STK32C: variants seen among roughly 807,000 people sequenced by gnomAD.
STK32C encodes serine/threonine-protein kinase 32C.
In STK32C, 31 loss-of-function variants were observed where a neutral mutation model predicts 56.5. The ratio of observed to expected loss-of-function variants is 0.55; its 90% CI spans 0.41 to 0.74. STK32C has a LOEUF of 0.74. Ranked by LOEUF, STK32C falls within the 30% of genes least tolerant of loss-of-function variation. STK32C has a pLI of 0.00. For missense variants in STK32C, 544 were observed against 676.9 expected, an observed-to-expected ratio of 0.80 and a Z score of 2.18; for synonymous variants, 309 against 289.4, an observed-to-expected ratio of 1.07 and a Z score of -0.69.
intron 2 of STK32C, among the ~76,000 whole-genome samples, chr10:132,236,342 T>C (rs1027197503): frequency 6.6e-6 from 1 of 152,154 alleles, no homozygotes; most frequent in Non-Finnish European, 1.5e-5. Flanking sequence ...TGCCACAACC[T>C]GTCATGAGGT....
At chr10:132,251,416 G>A (rs1282262954) in intron 1 of STK32C, among the ~76,000 whole-genome samples, 1 of 152,156 alleles carries the variant, frequency 6.6e-6, no homozygotes, top group Non-Finnish European at 1.5e-5. Context: ...CATGTCACTT[G>A]ATCTGGGCCT....
At chr10:132,219,799 C>G (rs914162320) in intron 10 of STK32C, among the ~76,000 whole-genome samples, 1 of 152,166 alleles carries the variant, frequency 6.6e-6, no homozygotes, top group Non-Finnish European at 1.5e-5. Context: ...CCCTGCCCCC[C>G]ACATCATGGT....
At chr10:132,225,499 C>A in intron 6 of STK32C, 28 bp downstream of exon 6, 1 of 1,613,194 alleles carries the variant, frequency 6.2e-7, no homozygotes, top group Non-Finnish European at 8.5e-7. Context: ...GAAGCCAGCT[C>A]CCATCTGGAA....
At chr10:132,279,272 G>A (rs1005638745) in intron 1 of STK32C, among the ~76,000 whole-genome samples, 2 of 152,188 alleles carry the variant, frequency 1.3e-5, no homozygotes, top group Non-Finnish European at 2.9e-5. Flanking sequence ...CAGGCGAGGT[G>A]ACATGACCAT....
At chr10:132,292,814 G>A (rs997249011) in intron 1 of STK32C, among the ~76,000 whole-genome samples, 2 of 152,094 alleles carry the variant, frequency 1.3e-5, no homozygotes, top group Non-Finnish European at 2.9e-5. Flanking sequence ...AAGGTGTGAG[G>A]GAGGGCATCA....
chr10:132,213,150 C>T (rs2062367700), intron 10 of STK32C, among the ~76,000 whole-genome samples: 1 of 152,254 alleles, frequency 6.6e-6, no homozygotes, highest in Admixed American at 6.5e-5. Flanking sequence ...GCATTCTCCA[C>T]AGCAAATGGA....
chr10:132,273,604 GAAGGAGTT>G (rs2064901159), intron 1 of STK32C, among the ~76,000 whole-genome samples: 1 of 152,188 alleles, frequency 6.6e-6, no homozygotes, highest in Non-Finnish European at 1.5e-5. Flanking sequence ...CTGAATGAGT[GAAGGAGTT>G]ACTGAATGAG....
intron 1 of STK32C, among the ~76,000 whole-genome samples, chr10:132,252,547 T>C (rs1197015041): frequency 6.6e-6 from 1 of 152,170 alleles, no homozygotes; most frequent in African/African-American, 2.4e-5. Flanking sequence ...CTCCCCACAA[T>C]CCCATCTCAC....
rs181170421 is a variant in STK32C, at chr10:132,227,929, G to A, written c.470+48C>T. Reference sequence around the variant, plus strand: ...AGGAGAGGATAGCCAGTGCCTTCCCGGCTTCAGGACGGTAAGTCTTTCTGC... The same window carrying A: ...AGGAGAGGATAGCCAGTGCCTTCCCAGCTTCAGGACGGTAAGTCTTTCTGC... On this transcript the variant is annotated intron_variant, in intron 3 of 11. Coordinates refer to ENST00000298630, the MANE Select transcript of STK32C (RefSeq NM_173575.4). The A allele has an allele frequency of 8.4e-4, 1,351 of 1,599,258 alleles. 2 individuals are homozygous for A. Among genetic ancestry groups the A allele is most frequent in the Middle Eastern group, 4.5e-3 (27 of 6,034 alleles).
intron 10 of STK32C, among the ~76,000 whole-genome samples, chr10:132,220,070 A>G (rs2062587198): frequency 6.6e-6 from 1 of 152,172 alleles, no homozygotes; most frequent in Non-Finnish European, 1.5e-5. Flanking sequence ...AAAATGACAC[A>G]CTCAAATTCT....
At chr10:132,281,899 G>T (rs1440967800) in intron 1 of STK32C, among the ~76,000 whole-genome samples, 2 of 145,744 alleles carry the variant, frequency 1.4e-5, no homozygotes, top group Non-Finnish European at 3.0e-5. Flanking sequence ...GGATGGTGGG[G>T]TCTGGGGGGA....
At chr10:132,328,897 C>G (rs1271559392) in intron 1 of STK32C, among the ~76,000 whole-genome samples, 3 of 152,236 alleles carry the variant, frequency 2.0e-5, no homozygotes, top group Non-Finnish European at 2.9e-5. Flanking sequence ...GGCAAGCACC[C>G]AAGCATGACC....
At chr10:132,221,002 G>A (rs567110983) in intron 10 of STK32C, among the ~76,000 whole-genome samples, 2 of 152,356 alleles carry the variant, frequency 1.3e-5, no homozygotes, top group African/African-American at 2.4e-5. Context: ...GGCTGTGAAG[G>A]AGACCATTTC....
intron 2 of STK32C, among the ~76,000 whole-genome samples, chr10:132,237,277 C>A (rs4880243): frequency 0.18 from 27,949 of 152,240 alleles, 3,228 homozygotes; most frequent in Admixed American, 0.32. Context: ...AGCCAGGTGA[C>A]CTGACCAGAG....
chr10:132,280,843 G>A (rs929996151), intron 1 of STK32C, among the ~76,000 whole-genome samples: 2 of 127,144 alleles, frequency 1.6e-5, no homozygotes, highest in South Asian at 2.6e-4. Context: ...CCTGCACTCC[G>A]TGATCACACT....
intron 1 of STK32C, among the ~76,000 whole-genome samples, chr10:132,313,995 C>T (rs1449723402): frequency 6.6e-6 from 1 of 152,174 alleles, no homozygotes; most frequent in Non-Finnish European, 1.5e-5. Flanking sequence ...CAGAGTCTCT[C>T]TCCTGCCCAT....
At chr10:132,296,423 G>A (rs1210683774) in intron 1 of STK32C, among the ~76,000 whole-genome samples, 4 of 152,070 alleles carry the variant, frequency 2.6e-5, no homozygotes, top group African/African-American at 4.8e-5. Context: ...CCCGGTTAAT[G>A]CCAGACGGTG....
intron 10 of STK32C, among the ~76,000 whole-genome samples, chr10:132,217,837 T>C (rs2062518240): frequency 6.6e-6 from 1 of 152,170 alleles, no homozygotes; most frequent in African/African-American, 2.4e-5. Context: ...CCCAGCCATG[T>C]GGAACTGTAA....
At chr10:132,212,064 G>T (rs189438837) in intron 10 of STK32C, among the ~76,000 whole-genome samples, 1 of 152,024 alleles carries the variant, frequency 6.6e-6, no homozygotes, top group Non-Finnish European at 1.5e-5. Flanking sequence ...CCCTAGCACC[G>T]CCACAAACCT....
Sources: gnomAD v4.1 joint callset for allele counts (sites outside exome capture counted in the v4.1 genomes callset) on GRCh38, gnomAD v4.1.1 for gene constraint, MANE v1.5 for transcripts, NCBI Gene and HGNC (gene_info 2026-07-23, HGNC 2026-07-21) for gene names.